The following DOLPP1 variants were observed in gnomAD, a reference collection of about 807,000 sequenced individuals.
DOLPP1 encodes dolichyl pyrophosphate phosphatase 1.
A neutral mutation model predicts 34.1 loss-of-function variants in DOLPP1; 15 were observed. That is an observed-to-expected ratio of 0.44 (90% CI 0.29 to 0.68). DOLPP1 has a LOEUF of 0.68. DOLPP1 is among the 30% of genes least tolerant of loss of function. The probability of loss-of-function intolerance (pLI) is 0.12; values close to 1 mark genes in which losing one functional copy is unlikely to be tolerated. For missense variants in DOLPP1, 249 were observed against 307.1 expected (o/e 0.81, Z 1.41); for synonymous variants, 130 against 128.2 (o/e 1.01, Z -0.10).
chr9:129,086,796 C>T lies in DOLPP1; in HGVS notation c.678C>T (p.Ala226=), dbSNP rs762987018. The change falls in exon 7 of 8, where the codon GCC becomes GCT. Residue 226 remains alanine (A), a splice_region_variant and synonymous_variant. Coordinates refer to ENST00000372546, the MANE Select transcript of DOLPP1 (RefSeq NM_020438.5). ...AGTACACGGTAACCCGGGCAGAAGCCAGGTGAGTTCAGGGGACAGCAGTGC... is the reference window on the plus strand; with the variant it reads ...AGTACACGGTAACCCGGGCAGAAGCTAGGTGAGTTCAGGGGACAGCAGTGC... ...WFEYTVTRAE[A]RNRQRKLGTK... 6.2e-7 allele frequency: 1 copy of T among 1,613,284 alleles called. No homozygotes were observed. The highest frequency in any genetic ancestry group is 8.5e-7 in the Non-Finnish European group (1 of 1,179,854).
chr9:129,088,672 C>T (rs1033074153), intron 7 of DOLPP1, among the ~76,000 whole-genome samples: 1 of 152,222 alleles, frequency 6.6e-6, no homozygotes, highest in African/African-American at 2.4e-5. Flanking sequence ...AATTGGAACC[C>T]AGCCAGGTCC....
intron 1 of DOLPP1, among the ~76,000 whole-genome samples, chr9:129,083,256 G>C (rs1303350828): frequency 1.3e-5 from 2 of 152,160 alleles, no homozygotes; most frequent in African/African-American, 4.8e-5. Context: ...AAAACCCCAG[G>C]GTAGTGCTGG....
Position 129,090,280 on chromosome 9 carries a change from C to T in DOLPP1, c.*1273C>T, listed in dbSNP as rs186960174. 6.5e-6 allele frequency: 1 copy of T among 152,720 alleles called. No homozygotes were observed. Among genetic ancestry groups the T allele is most frequent in the East Asian group, 1.9e-4 (1 of 5,190 alleles). The allele number at this position is 152,720 out of a possible 1,614,324, so 9.5% of individuals were successfully genotyped here. ...CCATTCCAGATGCCAAGACCAGGGG[C>T]TTATTTCTAGGGAAGGTAGGTCGGT... On this transcript the variant is annotated 3_prime_UTR_variant, in exon 8 of 8. Coordinates refer to ENST00000372546, the MANE Select transcript of DOLPP1 (RefSeq NM_020438.5).
At chr9:129,086,070 G>A in intron 5 of DOLPP1, 69 bp from the exon 6 acceptor site, 5 of 1,509,632 alleles carry the variant, frequency 3.3e-6, no homozygotes, top group African/African-American at 1.4e-5. Flanking sequence ...GCTGGCACAT[G>A]GGCAGTGGGG....
intron 7 of DOLPP1, 24 bp downstream of exon 7, chr9:129,086,822 T>C: frequency 1.2e-6 from 2 of 1,606,096 alleles, no homozygotes; most frequent in Non-Finnish European, 1.7e-6. Context: ...ACAGCAGTGC[T>C]CACTGGGCCA....
Position 129,086,241 on chromosome 9 carries a change from C to A in DOLPP1, c.564C>A (p.Thr188=). 6.2e-7 allele frequency: 1 copy of A among 1,613,436 alleles called. No individual in the cohort carries two copies. Among genetic ancestry groups the A allele is most frequent in the Non-Finnish European group, 8.5e-7 (1 of 1,179,962 alleles). The change falls in exon 6 of 8, where the codon ACC becomes ACA. Residue 188 remains threonine (T), a synonymous_variant. Transcript: ENST00000372546. The part of the protein sequence containing the change: ...AWFIFTQEVL[T]PLFPRIAAWP... ...TCATCTTCACCCAGGAGGTCCTCACCCCGCTGTTCCCCAGGATAGCAGCCT... is the reference window on the plus strand; with the variant it reads ...TCATCTTCACCCAGGAGGTCCTCACACCGCTGTTCCCCAGGATAGCAGCCT...
At chr9:129,082,927 C>CT (rs1358257666) in intron 1 of DOLPP1, among the ~76,000 whole-genome samples, 1 of 152,202 alleles carries the variant, frequency 6.6e-6, no homozygotes, top group African/African-American at 2.4e-5. Context: ...ACCTCAAGCT[C>CT]TGCACTAGCA....
At position 129,090,111 on chromosome 9, in the gene DOLPP1, GA is replaced by G. The variant is rs1331128103; in HGVS notation, c.*1106del. 6.6e-6 allele frequency: 1 copy of G among 152,646 alleles called. No homozygotes were observed. The highest frequency in any genetic ancestry group is 1.9e-4 in the East Asian group (1 of 5,192). 9.5% of individuals were successfully genotyped at this position (152,646 alleles called of 1,614,324 possible). ...GAGAGGAGACGCCTCCAGACTCTCAGAAGTTTTGAGGACTGAACTGGGTCAC... is the reference window on the plus strand; with the variant it reads ...GAGAGGAGACGCCTCCAGACTCTCAGAGTTTTGAGGACTGAACTGGGTCAC... On this transcript the variant is annotated 3_prime_UTR_variant, in exon 8 of 8. Coordinates refer to ENST00000372546, the MANE Select transcript of DOLPP1 (RefSeq NM_020438.5).
rs979045476 is a variant in DOLPP1, at chr9:129,089,084, G to C, written c.*77G>C. The C allele has an allele frequency of 3.3e-6, 5 of 1,508,364 alleles. No individual in the cohort carries two copies. Among genetic ancestry groups the C allele is most frequent in the Non-Finnish European group, 3.7e-6 (4 of 1,087,340 alleles). 93.4% of individuals were successfully genotyped at this position (1,508,364 alleles called of 1,614,324 possible). ...GCAGGATGGACAGGATGACAGACAG[G>C]GACGAAGCAGAGACCTCTACAGACC... is the stretch of plus-strand genomic sequence containing the variant. On this transcript the variant is annotated 3_prime_UTR_variant, in exon 8 of 8. Coordinates refer to ENST00000372546, the MANE Select transcript of DOLPP1 (RefSeq NM_020438.5). The surrounding 1 kb of genome is among the most constrained non-coding windows in gnomAD (Gnocchi z 4.9).
Position 129,086,106 on chromosome 9 carries a change from C to T in DOLPP1, c.462-33C>T, listed in dbSNP as rs774119569. On this transcript the variant is annotated intron_variant, in intron 5 of 7. Coordinates refer to ENST00000372546, the MANE Select transcript of DOLPP1 (RefSeq NM_020438.5). ...ATTGTGCGGGCCTGTGTCTGACTGG[C>T]TCTCACATACTTCGCTTCTGGCCTT... 3.1e-6 allele frequency: 5 copies of T among 1,607,742 alleles called. No individual in the cohort carries two copies. The Admixed American group carries it at 5.0e-5, about 16-fold the overall frequency.
chr9:129,086,709 G>C lies in DOLPP1; in HGVS notation c.591G>C (p.Trp197Cys). The C allele has an allele frequency of 6.2e-7, 1 of 1,613,762 alleles. No individual in the cohort carries two copies. The highest frequency in any genetic ancestry group is 1.1e-5 in the South Asian group (1 of 91,086). ...LTPLFPRIAA[W>C]PVSEFFLIRD... ...GGCTCTCTGATGTCTGTCTCTCCAG[G>C]CCTGTCTCCGAGTTCTTCCTAATCC... Residue 197 changes from tryptophan to cysteine, a missense_variant and splice_region_variant, in exon 7 of 8, where the codon TGG becomes TGC. Transcript: ENST00000372546.
Position 129,081,148 on chromosome 9 carries a change from A to G in DOLPP1, c.17A>G (p.Gln6Arg), listed in dbSNP as rs1295963625. The change falls in exon 1 of 8, where the codon CAG becomes CGG. Residue 6 changes from glutamine (Q) to arginine (R), a missense_variant. By Grantham distance (43) the Gln-to-Arg change is conservative (BLOSUM62 1). Transcript: ENST00000372546. ...CCGGGTAAGATGGCAGCGGACGGAC[A>G]GTGCTCGCTCCCCGCTTCATGGCGG... MAADG[Q>R]CSLPASWRPV... The G allele has an allele frequency of 1.4e-5, 22 of 1,609,418 alleles. No homozygotes were observed. The highest frequency in any genetic ancestry group is 4.5e-5 in the East Asian group (2 of 44,630).
At chr9:129,081,345 C>G (rs1433903159) in intron 1 of DOLPP1, 138 bp downstream of exon 1, 7 of 1,116,058 alleles carry the variant, frequency 6.3e-6, no homozygotes, top group South Asian at 1.7e-5. Context: ...CACGGAGGGG[C>G]TCGGCCGGCG....
rs1465609926 is a variant in DOLPP1 at position 129,089,058 on chromosome 9, TGCAGGATGG to T, written c.*52_*60del. The T allele has an allele frequency of 6.3e-7, 1 of 1,592,366 alleles. No homozygotes were observed. Among genetic ancestry groups the T allele is most frequent in the African/African-American group, 1.3e-5 (1 of 74,516 alleles). The stretch of plus-strand genomic sequence containing the variant: ...TCCAGATCTGGCCCGCACGATGCCT[TGCAGGATGG>T]ACAGGATGACAGACAGGGACGAAGC... On this transcript the variant is annotated 3_prime_UTR_variant, in exon 8 of 8. Transcript: ENST00000372546. This position sits in a 1 kb window ranked among gnomAD's most constrained non-coding sequence, Gnocchi z 4.9.
At position 129,085,332 on chromosome 9, in the gene DOLPP1, G is replaced by T. The variant is rs1345225117; in HGVS notation, c.362+26G>T. ...GTGAGTTTCCACCCCGGTCAGGATG[G>T]CCCTGAACTTGCTCAGGCCGAGTTC... On this transcript the variant is annotated intron_variant, in intron 4 of 7. Transcript: ENST00000372546. This position sits in a 1 kb window ranked among gnomAD's most constrained non-coding sequence, Gnocchi z 7.0. The T allele has an allele frequency of 1.2e-6, 2 of 1,604,058 alleles. No homozygotes were observed. The highest frequency in any genetic ancestry group is 1.7e-6 in the Non-Finnish European group (2 of 1,171,080).
At chr9:129,087,478 G>T (rs1847012844) in intron 7 of DOLPP1, among the ~76,000 whole-genome samples, 1 of 152,126 alleles carries the variant, frequency 6.6e-6, no homozygotes, top group South Asian at 2.1e-4. Flanking sequence ...ACCACGCCCG[G>T]CTAATTTTTT....
chr9:129,081,208 G>A lies in DOLPP1; in HGVS notation c.76+1G>A, dbSNP rs1365574589. 1 of 1,608,886 alleles carries A rather than the reference G, an allele frequency of 6.2e-7. No individual in the cohort carries two copies. Among genetic ancestry groups the A allele is most frequent in the Admixed American group, 1.7e-5 (1 of 59,958 alleles). On this transcript the variant is annotated splice_donor_variant, in intron 1 of 7. Coordinates refer to ENST00000372546, the MANE Select transcript of DOLPP1 (RefSeq NM_020438.5). LOFTEE classifies it high-confidence loss of function. ...CTCACCCACGTCGAATATCCTGCAG[G>A]TAAAAGGCGGTCCCGGCTCCAAGGA...
At chr9:129,086,380 C>T in intron 6 of DOLPP1, 113 bp downstream of exon 6, 4 of 1,315,396 alleles carry the variant, frequency 3.0e-6, no homozygotes, top group South Asian at 1.4e-5. Context: ...CCTGGGAAGG[C>T]CCCAGTGCCC....
chr9:129,085,008 C>A lies in DOLPP1; in HGVS notation c.178-15C>A, dbSNP rs774499639. On this transcript the variant is annotated splice_polypyrimidine_tract_variant and intron_variant, in intron 2 of 7. Transcript: ENST00000372546. The surrounding 1 kb of genome is among the most constrained non-coding windows in gnomAD (Gnocchi z 7.0). ...GTGCACAGAGGCCCAGCTGACCATG[C>A]GTCTTCCCCAGCAGATCTCCTTCCT... is the stretch of plus-strand genomic sequence containing the variant. The A allele has an allele frequency of 6.4e-7, 1 of 1,552,656 alleles. No individual in the cohort carries two copies. The highest frequency in any genetic ancestry group is 1.4e-5 in the African/African-American group (1 of 73,152).
Sources: gnomAD v4.1 joint callset for allele counts (sites outside exome capture counted in the v4.1 genomes callset) on GRCh38, gnomAD v4.1.1 for gene constraint, Gnocchi (gnomAD v3.1) non-coding constraint, MANE v1.5 for transcripts, NCBI Gene and HGNC (gene_info 2026-07-23, HGNC 2026-07-21) for gene names.